Variants in PER2 observed in about 807,000 individuals in gnomAD.
The protein encoded by PER2 is period circadian regulator 2, also known as period circadian protein homolog 2.
In PER2, 66 loss-of-function variants were observed where a neutral mutation model predicts 121.0. The observed-to-expected ratio is 0.55, with a 90% CI of 0.45 to 0.67. The LOEUF (loss-of-function observed/expected upper bound fraction) is 0.67. Ranked by LOEUF, PER2 falls within the 30% of genes least tolerant of loss-of-function variation. The pLI, the probability that PER2 is intolerant of heterozygous loss-of-function variation, is 0.00. For missense variants in PER2, 1,521 were observed against 1,635.0 expected, an observed-to-expected ratio of 0.93 and a Z score of 1.20; for synonymous variants, 684 against 659.9, an observed-to-expected ratio of 1.04 and a Z score of -0.56.
At position 238,268,341 on chromosome 2, in the gene PER2, C is replaced by G; in HGVS notation, c.825-143G>C. On this transcript the variant is annotated intron_variant, in intron 7 of 22. Transcript: ENST00000254657. The surrounding 1 kb of genome is among the most constrained non-coding windows in gnomAD (Gnocchi z 4.0). ...CCTGAGGAGCTGGGCCTGCCCCCTG[C>G]CCTCTTCGGTCCCTCCCTCAGTCCC... is the stretch of plus-strand genomic sequence containing the variant. 1.2e-6 allele frequency: 1 copy of G among 826,286 alleles called. No homozygotes were observed. The highest frequency in any genetic ancestry group is 1.4e-5 in the South Asian group (1 of 69,074). 51.2% of individuals were successfully genotyped at this position (826,286 alleles called of 1,614,324 possible).
intron 8 of PER2, among the ~76,000 whole-genome samples, chr2:238,265,995 C>T (rs1020279576): frequency 2.8e-4 from 43 of 151,976 alleles, no homozygotes; most frequent in East Asian, 1.2e-3. Flanking sequence ...CCTCCGCCTC[C>T]GAGGTTCAAG....
chr2:238,252,774 C>T lies in PER2; in HGVS notation c.3111+138G>A. 2.5e-6 allele frequency: 2 copies of T among 803,046 alleles called. No homozygotes were observed. Among genetic ancestry groups the T allele is most frequent in the Non-Finnish European group, 4.4e-6 (2 of 455,342 alleles). The allele number at this position is 803,046 out of a possible 1,614,324, so 49.7% of individuals were successfully genotyped here. ...GGGAAGCATGAATTTCTGGCACACA[C>T]ATTCATGGCAAAACCTACAGGGTTT... is the stretch of plus-strand genomic sequence containing the variant. On this transcript the variant is annotated intron_variant, in intron 19 of 22. Coordinates refer to ENST00000254657, the MANE Select transcript of PER2 (RefSeq NM_022817.3). This position sits in a 1 kb window ranked among gnomAD's most constrained non-coding sequence, Gnocchi z 4.2.
At chr2:238,267,638 G>A (rs1405507654) in intron 8 of PER2, among the ~76,000 whole-genome samples, 1 of 152,178 alleles carries the variant, frequency 6.6e-6, no homozygotes, top group South Asian at 2.1e-4. Context: ...AACTGTTTGG[G>A]GTTCTGGAGC....
At position 238,250,697 on chromosome 2, in the gene PER2, G is replaced by A; in HGVS notation, c.3321C>T (p.Asp1107=). 1 of 1,613,774 alleles carries A rather than the reference G, an allele frequency of 6.2e-7. No individual in the cohort carries two copies. Among genetic ancestry groups the A allele is most frequent in the Non-Finnish European group, 8.5e-7 (1 of 1,179,632 alleles). ...TTGCTTTGTGATTATTCTCTGAGGA[G>A]TCAATGCTTCCAAAATATTTGCTGG... ...SHTSKYFGSI[D]SSENNHKAKM... is the part of the protein sequence containing the mutation. The change falls in exon 21 of 23, where the codon GAC becomes GAT. Residue 1107 remains aspartate, a synonymous_variant. Coordinates refer to ENST00000254657, the MANE Select transcript of PER2 (RefSeq NM_022817.3).
At chr2:238,259,945 A>G in intron 14 of PER2, 24 bp downstream of exon 14, 1 of 1,080,788 alleles carries the variant, frequency 9.3e-7, no homozygotes, top group Non-Finnish European at 1.4e-6. Flanking sequence ...TCAGTAAGGA[A>G]ATGTTGAATA....
chr2:238,247,531 A>G (rs947836302), intron 22 of PER2: 1 of 152,308 alleles, frequency 6.6e-6, no homozygotes, highest in African/African-American at 2.4e-5. Flanking sequence ...ATACAAGTTC[A>G]TTGTTGAAGT....
chr2:238,286,095 C>G (rs576242424), intron 1 of PER2, among the ~76,000 whole-genome samples: 12 of 152,130 alleles, frequency 7.9e-5, no homozygotes, highest in Non-Finnish European at 1.6e-4. Flanking sequence ...TCAATTCAGA[C>G]TTTTAAATCC....
At chr2:238,296,667 T>A in the PER2 span, among the ~76,000 whole-genome samples, 3 of 141,128 alleles carry the variant, frequency 2.1e-5, 1 homozygote, top group Non-Finnish European at 4.6e-5. Flanking sequence ...GCAGAGTCAG[T>A]CGTGTGCCCT....
intron 1 of PER2, among the ~76,000 whole-genome samples, chr2:238,279,160 T>C (rs1252500390): frequency 6.6e-6 from 1 of 151,958 alleles, no homozygotes; most frequent in Non-Finnish European, 1.5e-5. Flanking sequence ...AGGACAGCGT[T>C]TTCAGCAGAG....
At chr2:238,284,735 A>C (rs1696733720) in intron 1 of PER2, among the ~76,000 whole-genome samples, 1 of 152,234 alleles carries the variant, frequency 6.6e-6, no homozygotes, top group Non-Finnish European at 1.5e-5. Context: ...TGGTGCCCCG[A>C]CATTACCTTA....
intron 14 of PER2, among the ~76,000 whole-genome samples, chr2:238,258,903 G>A (rs937756654): frequency 8.5e-5 from 13 of 152,050 alleles, no homozygotes; most frequent in African/African-American, 1.2e-4. Flanking sequence ...GCTGTCCCCA[G>A]GGGTCAGGGA....
chr2:238,265,563 A>C lies in PER2; in HGVS notation c.995T>G (p.Ile332Ser). The change falls in exon 9 of 23, where the codon ATT (isoleucine) becomes AGT (serine). Residue 332 changes from isoleucine (I) to serine (S), a missense_variant. Coordinates refer to ENST00000254657, the MANE Select transcript of PER2 (RefSeq NM_022817.3). ...EAPRIPPEKR[I>S]FTTTHTPNCL... ...ATTTGGTGTATGGGTGGTTGTAAAAATTCTCTTTTCAGGAGGAATTCTAGG... is the reference window on the plus strand; with the variant it reads ...ATTTGGTGTATGGGTGGTTGTAAAACTTCTCTTTTCAGGAGGAATTCTAGG... The C allele has an allele frequency of 6.2e-7, 1 of 1,610,294 alleles. No individual in the cohort carries two copies. The highest frequency in any genetic ancestry group is 1.1e-5 in the South Asian group (1 of 91,006).
chr2:238,262,332 C>A lies in PER2; in HGVS notation c.1166G>T (p.Gly389Val). The A allele has an allele frequency of 6.2e-7, 1 of 1,614,050 alleles. No individual in the cohort carries two copies. The highest frequency in any genetic ancestry group is 8.5e-7 in the Non-Finnish European group (1 of 1,180,008). ...LAIHKKILQS[G>V]GQPFDYSPIR... is the part of the protein sequence containing the mutation. ...GGGAGAATAGTCGAAAGGCTGCCCG[C>A]CTGACTGCAGGACTAGGAGAGCAAA... is the stretch of plus-strand genomic sequence containing the variant. Residue 389 changes from glycine to valine, a missense_variant, in exon 11 of 23, where the codon GGC becomes GTC. Coordinates refer to ENST00000254657, the MANE Select transcript of PER2 (RefSeq NM_022817.3).
At chr2:238,271,142 G>A (rs1311996823) in intron 6 of PER2, among the ~76,000 whole-genome samples, 170 bp downstream of exon 6, 1 of 152,352 alleles carries the variant, frequency 6.6e-6, no homozygotes, top group East Asian at 1.9e-4. Context: ...TTATTCTGAA[G>A]GGACGAACAA....
At chr2:238,251,288 A>G (rs1695589574) in intron 20 of PER2, among the ~76,000 whole-genome samples, 1 of 152,232 alleles carries the variant, frequency 6.6e-6, no homozygotes, top group South Asian at 2.1e-4. Context: ...AGTTCACACA[A>G]GTGGAACTAA....
chr2:238,267,049 TAAAAAA>T (rs57177821), intron 8 of PER2, among the ~76,000 whole-genome samples: 48 of 104,578 alleles, frequency 4.6e-4, no homozygotes, highest in Middle Eastern at 5.8e-3. Context: ...CTCCATCTCT[TAAAAAA>T]AAAAAAAAAA....
chr2:238,270,829 C>T (rs1048317131), intron 6 of PER2, among the ~76,000 whole-genome samples: 6 of 152,246 alleles, frequency 3.9e-5, no homozygotes, highest in Admixed American at 2.0e-4. Context: ...CGGGGGCCAG[C>T]GGCATCTGCC....
chr2:238,260,110 T>C, intron 13 of PER2, 57 bp from the exon 14 acceptor site: 1 of 762,682 alleles, frequency 1.3e-6, no homozygotes, highest in Non-Finnish European at 2.3e-6. Flanking sequence ...CTTCAGTCTG[T>C]CCGGCAAAGT....
chr2:238,248,953 C>T, intron 22 of PER2, 109 bp downstream of exon 22: 1 of 1,260,274 alleles, frequency 7.9e-7, no homozygotes, highest in Non-Finnish European at 1.2e-6. Flanking sequence ...CCGCGCCCGG[C>T]CTAATTTTAG....
Sources: gnomAD v4.1 joint callset for allele counts (sites outside exome capture counted in the v4.1 genomes callset) on GRCh38, gnomAD v4.1.1 for gene constraint, Gnocchi (gnomAD v3.1) non-coding constraint, MANE v1.5 for transcripts, NCBI Gene and HGNC (gene_info 2026-07-23, HGNC 2026-07-21) for gene names.